MEF2A: variants seen among roughly 807,000 people sequenced by gnomAD.
MEF2A encodes myocyte enhancer factor 2A.
Under a neutral mutation model 55.8 loss-of-function variants are expected in MEF2A, and 28 were observed. That is an observed-to-expected ratio of 0.50 (90% CI 0.37 to 0.69). The LOEUF (loss-of-function observed/expected upper bound fraction) is 0.69. Among genes scored for constraint, MEF2A ranks in the 30% least tolerant of loss-of-function variants. MEF2A has a pLI of 0.00. For synonymous variants in MEF2A, 239 were observed against 227.1 expected, an observed-to-expected ratio of 1.05 and a Z score of -0.47; for missense variants, 528 against 626.2, an observed-to-expected ratio of 0.84 and a Z score of 1.67.
chr15:99,620,561 A>G (rs532403463), intron 2 of MEF2A, among the ~76,000 whole-genome samples: 2 of 152,222 alleles, frequency 1.3e-5, no homozygotes, highest in Non-Finnish European at 2.9e-5. Flanking sequence ...GTGTATATGC[A>G]TCACGTTTTC....
intron 2 of MEF2A, among the ~76,000 whole-genome samples, chr15:99,626,427 G>A (rs773346516): frequency 1.4e-4 from 21 of 151,474 alleles, no homozygotes; most frequent in African/African-American, 5.1e-4. Context: ...TTTTGGCTTC[G>A]TTGATTTTTT....
intron 2 of MEF2A, among the ~76,000 whole-genome samples, chr15:99,621,621 A>G (rs577795496): frequency 5.9e-5 from 9 of 152,052 alleles, no homozygotes; most frequent in African/African-American, 9.7e-5. Flanking sequence ...AAGACTCCCA[A>G]TGCTTATTTT....
chr15:99,650,001 T>C (rs1372399138), intron 4 of MEF2A, among the ~76,000 whole-genome samples: 2 of 152,216 alleles, frequency 1.3e-5, no homozygotes, highest in African/African-American at 4.8e-5. Flanking sequence ...CAGATTATTG[T>C]GCTGTCATTT....
At chr15:99,595,728 G>A (rs138408061) in intron 1 of MEF2A, among the ~76,000 whole-genome samples, 25 of 152,326 alleles carry the variant, frequency 1.6e-4, no homozygotes, top group African/African-American at 5.5e-4. Flanking sequence ...TGATAGTTAA[G>A]GTGTACTGAA....
At chr15:99,595,668 C>G (rs1321772635) in intron 1 of MEF2A, among the ~76,000 whole-genome samples, 3 of 152,182 alleles carry the variant, frequency 2.0e-5, no homozygotes, top group Non-Finnish European at 4.4e-5. Context: ...ATAGAGGAGA[C>G]TCATACTTGT....
intron 2 of MEF2A, among the ~76,000 whole-genome samples, chr15:99,616,696 C>T (rs2040243440): frequency 6.6e-6 from 1 of 151,994 alleles, no homozygotes; most frequent in African/African-American, 2.4e-5. Context: ...TATATATACA[C>T]CCATCATGTG....
chr15:99,662,024 T>C (rs1290716212), intron 4 of MEF2A, among the ~76,000 whole-genome samples: 1 of 152,182 alleles, frequency 6.6e-6, no homozygotes, highest in African/African-American at 2.4e-5. Flanking sequence ...GTGTACTGTG[T>C]GTGGTTCCAT....
intron 2 of MEF2A, among the ~76,000 whole-genome samples, chr15:99,610,208 G>A (rs1976639368): frequency 1.3e-5 from 2 of 151,852 alleles, no homozygotes; most frequent in South Asian, 4.2e-4. Context: ...CAGTTCTTAG[G>A]AATAAATTTC....
At chr15:99,700,183 T>TACACACACAC (rs1381649060) in intron 8 of MEF2A, among the ~76,000 whole-genome samples, 1,868 of 46,474 alleles carry the variant, frequency 0.04, 49 homozygotes, top group South Asian at 0.081. Flanking sequence ...TATGTGTGTA[T>TACACACACAC]ATATACACAC....
intron 2 of MEF2A, among the ~76,000 whole-genome samples, chr15:99,608,529 C>A (rs1434444652): frequency 6.6e-6 from 1 of 152,152 alleles, no homozygotes. Context: ...GATGATTTCT[C>A]CCCTCCTCCC....
chr15:99,594,453 T>G (rs1014736268), intron 1 of MEF2A, among the ~76,000 whole-genome samples: 1 of 95,256 alleles, frequency 1.0e-5, no homozygotes, highest in African/African-American at 3.1e-5. Flanking sequence ...ACCCTGTCCT[T>G]TCTTTCTTTT....
intron 2 of MEF2A, among the ~76,000 whole-genome samples, chr15:99,613,804 C>T (rs747519440): frequency 1.3e-5 from 2 of 152,136 alleles, no homozygotes; most frequent in Non-Finnish European, 2.9e-5. Context: ...TAACGGGGAA[C>T]GTATTGACAT....
At chr15:99,598,887 C>G (rs1279041937) in intron 2 of MEF2A, among the ~76,000 whole-genome samples, 1 of 151,984 alleles carries the variant, frequency 6.6e-6, no homozygotes, top group East Asian at 1.9e-4. Context: ...GTTACATGAG[C>G]TGAGGAAAGA....
intron 2 of MEF2A, among the ~76,000 whole-genome samples, chr15:99,622,702 C>CTTTCTTTTTTTTTTTTT (rs1555461506): frequency 7.4e-6 from 1 of 135,700 alleles, no homozygotes; most frequent in Admixed American, 7.7e-5. Flanking sequence ...GTTTTCTTTT[C>CTTTCTTTTTTTTTTTTT]TTTTTTTTTT....
At chr15:99,655,593 AAAACT>A (rs1234063076) in intron 4 of MEF2A, among the ~76,000 whole-genome samples, 1 of 152,148 alleles carries the variant, frequency 6.6e-6, no homozygotes, top group African/African-American at 2.4e-5. Context: ...TGTAGCTTTT[AAAACT>A]AAACTAAATT....
At chr15:99,594,082 A>G (rs937134313) in intron 1 of MEF2A, among the ~76,000 whole-genome samples, 2 of 152,150 alleles carry the variant, frequency 1.3e-5, no homozygotes, top group African/African-American at 2.4e-5. Flanking sequence ...TTCTGATACT[A>G]TCTACCTGGA....
chr15:99,652,222 A>T (rs886778736), intron 4 of MEF2A, among the ~76,000 whole-genome samples: 3 of 152,014 alleles, frequency 2.0e-5, no homozygotes, highest in African/African-American at 7.3e-5. Flanking sequence ...GGACAGGGAG[A>T]TGGTTTTGAG....
chr15:99,617,998 G>A (rs939918776), intron 2 of MEF2A, among the ~76,000 whole-genome samples: 2 of 152,094 alleles, frequency 1.3e-5, no homozygotes, highest in African/African-American at 4.8e-5. Context: ...CTTTAAAAAA[G>A]CACAGAAAAT....
chr15:99,617,431 TGAC>T (rs1362015112), intron 2 of MEF2A, among the ~76,000 whole-genome samples: 1 of 152,128 alleles, frequency 6.6e-6, no homozygotes. Context: ...TAAGATGAAA[TGAC>T]AGAGCAGAGA....
Sources: allele counts gnomAD v4.1 joint callset (sites outside exome capture counted in the v4.1 genomes callset), GRCh38; gene constraint gnomAD v4.1.1; transcripts MANE v1.5; gene names NCBI Gene and HGNC (gene_info 2026-07-23, HGNC 2026-07-21).